Variants in TMEM132C observed in about 807,000 individuals in gnomAD.
The protein encoded by TMEM132C is protein phosphatase 1, regulatory subunit 152.
TMEM132C carries 29 observed loss-of-function variants against 61.4 expected under a neutral mutation model. The observed-to-expected ratio is 0.47, with a 90% CI of 0.35 to 0.64. TMEM132C has a LOEUF of 0.64. Ranked by LOEUF, TMEM132C falls within the 30% of genes least tolerant of loss-of-function variation. TMEM132C has a pLI of 0.00. For missense variants in TMEM132C, 1,408 were observed against 1,476.9 expected (o/e 0.95, Z 0.76); for synonymous variants, 656 against 633.1 (o/e 1.04, Z -0.54).
At chr12:128,403,865 A>G (rs530519756) in intron 1 of TMEM132C, among the ~76,000 whole-genome samples, 51 of 152,134 alleles carry the variant, frequency 3.4e-4, no homozygotes, top group Non-Finnish European at 6.8e-4. Context: ...GTTTCTTCCT[A>G]TGTATGTAAT....
At position 128,697,397 on chromosome 12, in the gene TMEM132C, G is replaced by A. The variant is rs1954774113; in HGVS notation, c.2103G>A (p.Val701=). The change falls in exon 8 of 9, where the codon GTG becomes GTA. Residue 701 remains valine (V), a synonymous_variant. Coordinates refer to ENST00000435159, the MANE Select transcript of TMEM132C (RefSeq NM_001136103.3). ...AVTAVVTAEE[V]LRTPKQEAVF... ...CAGCTGTGGTCACAGCTGAGGAGGTGCTGCGGACCCCCAAACAGGTAGGGG... is the reference window on the plus strand; with the variant it reads ...CAGCTGTGGTCACAGCTGAGGAGGTACTGCGGACCCCCAAACAGGTAGGGG... The A allele has an allele frequency of 1.3e-6, 2 of 1,540,556 alleles. No individual in the cohort carries two copies. The highest frequency in any genetic ancestry group is 2.5e-5 in the East Asian group (1 of 40,644).
chr12:128,527,871 G>A (rs1873145163), intron 2 of TMEM132C, among the ~76,000 whole-genome samples: 3 of 152,108 alleles, frequency 2.0e-5, no homozygotes. Context: ...TTTCCTAACT[G>A]TTTACTCCTA....
chr12:128,649,556 C>A (rs182222272), intron 4 of TMEM132C, among the ~76,000 whole-genome samples: 18 of 152,296 alleles, frequency 1.2e-4, no homozygotes, highest in Admixed American at 2.6e-4. Flanking sequence ...GCAGGCTCTG[C>A]CCTTGGGACT....
chr12:128,384,093 G>A (rs1312875146), intron 1 of TMEM132C, among the ~76,000 whole-genome samples: 1 of 152,168 alleles, frequency 6.6e-6, no homozygotes, highest in African/African-American at 2.4e-5. Flanking sequence ...ACAAAAAGAG[G>A]TGGTCAGGTT....
intron 5 of TMEM132C, among the ~76,000 whole-genome samples, chr12:128,674,689 T>A (rs1387064016): frequency 6.6e-6 from 1 of 152,182 alleles, no homozygotes; most frequent in Non-Finnish European, 1.5e-5. Context: ...TTTTCATTTT[T>A]CCATAAGTTA....
At chr12:128,509,240 G>T (rs1872491707) in intron 2 of TMEM132C, among the ~76,000 whole-genome samples, 1 of 152,186 alleles carries the variant, frequency 6.6e-6, no homozygotes, top group Non-Finnish European at 1.5e-5. Context: ...AGTAGGATCT[G>T]CACCTGTGCT....
intron 1 of TMEM132C, among the ~76,000 whole-genome samples, chr12:128,334,483 A>G (rs1334500424): frequency 6.6e-6 from 1 of 152,178 alleles, no homozygotes; most frequent in Non-Finnish European, 1.5e-5. Context: ...AAGACGTTTA[A>G]CATTTACTTC....
chr12:128,687,835 CCA>C (rs1954689805), intron 5 of TMEM132C, among the ~76,000 whole-genome samples: 2 of 152,102 alleles, frequency 1.3e-5, no homozygotes, highest in African/African-American at 4.8e-5. Flanking sequence ...CCAAACAAGC[CCA>C]CAGTCTGAGG....
intron 1 of TMEM132C, among the ~76,000 whole-genome samples, chr12:128,409,458 C>T (rs1224582724): frequency 6.6e-6 from 1 of 152,168 alleles, no homozygotes; most frequent in Non-Finnish European, 1.5e-5. Context: ...GACAGCAACA[C>T]TGGGGCTGTA....
At chr12:128,360,245 GACAC>G (rs145728632) in intron 1 of TMEM132C, among the ~76,000 whole-genome samples, 7,491 of 146,056 alleles carry the variant, frequency 0.051, 439 homozygotes, top group African/African-American at 0.15. Context: ...GATAAAGGAC[GACAC>G]ACACACACAC....
chr12:128,363,453 C>T (rs998024558), intron 1 of TMEM132C, among the ~76,000 whole-genome samples: 1 of 152,140 alleles, frequency 6.6e-6, no homozygotes. Context: ...CAGTGTTGTT[C>T]CAGGCTTTGA....
intron 5 of TMEM132C, among the ~76,000 whole-genome samples, chr12:128,685,682 G>A (rs1032594409): frequency 6.6e-6 from 1 of 152,198 alleles, no homozygotes; most frequent in Non-Finnish European, 1.5e-5. Context: ...GTCCATGATG[G>A]AGGAGAAGGC....
At chr12:128,404,229 A>G (rs1483804189) in intron 1 of TMEM132C, among the ~76,000 whole-genome samples, 2 of 152,152 alleles carry the variant, frequency 1.3e-5, no homozygotes, top group East Asian at 1.9e-4. Context: ...ATCCAATTCA[A>G]GAGGGAAGCA....
intron 4 of TMEM132C, among the ~76,000 whole-genome samples, chr12:128,632,678 T>G (rs1375654683): frequency 1.3e-5 from 2 of 152,156 alleles, no homozygotes; most frequent in Non-Finnish European, 2.9e-5. Flanking sequence ...AGCCCTTTTC[T>G]TTGCACCTCG....
chr12:128,617,783 CAG>C (rs376756569), intron 4 of TMEM132C, among the ~76,000 whole-genome samples: 138 of 152,272 alleles, frequency 9.1e-4, no homozygotes, highest in African/African-American at 3.2e-3. Context: ...TTCACTGAAA[CAG>C]GGAACAGATG....
chr12:128,423,628 T>C (rs553469589), intron 2 of TMEM132C, among the ~76,000 whole-genome samples: 107 of 152,122 alleles, frequency 7.0e-4, no homozygotes, highest in African/African-American at 2.5e-3. Context: ...CCAGCTACTC[T>C]GGAGGCTAAG....
intron 1 of TMEM132C, among the ~76,000 whole-genome samples, chr12:128,396,812 C>T (rs1267532482): frequency 6.6e-6 from 1 of 152,210 alleles, no homozygotes; most frequent in Non-Finnish European, 1.5e-5. Context: ...GCTGCCCTCT[C>T]CACAGAGCCC....
At chr12:128,281,267 G>A (rs6486490) in intron 1 of TMEM132C, among the ~76,000 whole-genome samples, 10,346 of 152,212 alleles carry the variant, frequency 0.068, 1,117 homozygotes, top group African/African-American at 0.23. Flanking sequence ...GAGGTGGCCC[G>A]AGTGCCAGTT....
chr12:128,697,286 A>T lies in TMEM132C; in HGVS notation c.1992A>T (p.Lys664Asn). 6.5e-7 allele frequency: 1 copy of T among 1,549,054 alleles called. No homozygotes were observed. The highest frequency in any genetic ancestry group is 8.7e-7 in the Non-Finnish European group (1 of 1,144,766). Residue 664 changes from lysine (K) to asparagine (N), a missense_variant, in exon 8 of 9, where the codon AAA (lysine) becomes AAT (asparagine). Physicochemically the swap from Lys to Asn is moderately conservative, Grantham distance 94. Coordinates refer to ENST00000435159, the MANE Select transcript of TMEM132C (RefSeq NM_001136103.3). ...AGACAATAACCGTGCTAGATGACAAAGTATCGGTGACAGACTTGGCCATCC... is the reference window on the plus strand; with the variant it reads ...AGACAATAACCGTGCTAGATGACAATGTATCGGTGACAGACTTGGCCATCC... ...AEKTITVLDDKVSVTDLAIQL... is the reference protein window; with the variant it reads ...AEKTITVLDDNVSVTDLAIQL...
Sources: allele counts gnomAD v4.1 joint callset (sites outside exome capture counted in the v4.1 genomes callset), GRCh38; gene constraint gnomAD v4.1.1; transcripts MANE v1.5; gene names NCBI Gene and HGNC (gene_info 2026-07-23, HGNC 2026-07-21).